PPFIA1: variants seen among roughly 807,000 people sequenced by gnomAD.
PPFIA1 encodes liprin-alpha-1.
In PPFIA1, 25 loss-of-function variants were observed where a neutral mutation model predicts 149.9. The ratio of observed to expected loss-of-function variants is 0.17; its 90% confidence interval spans 0.12 to 0.23. PPFIA1 has a LOEUF of 0.23. PPFIA1 is among the 10% of genes least tolerant of loss of function. The pLI, the probability that PPFIA1 is intolerant of heterozygous loss-of-function variation, is 1.00. For synonymous variants in PPFIA1, 549 were observed against 552.8 expected (o/e 0.99, Z 0.10); for missense variants, 1,362 against 1,506.5 (o/e 0.90, Z 1.59).
intron 23 of PPFIA1, 117 bp from the exon 24 acceptor site, chr11:70,374,801 T>C: frequency 5.4e-6 from 5 of 927,374 alleles, no homozygotes; most frequent in Non-Finnish European, 8.2e-6. Context: ...CCAGCACTTT[T>C]CTCAGGAGCC....
chr11:70,324,587 C>A, intron 3 of PPFIA1, 84 bp downstream of exon 3: 1 of 1,174,620 alleles, frequency 8.5e-7, no homozygotes, highest in Non-Finnish European at 1.2e-6. Context: ...AAGGACGACC[C>A]ACTCTGTCTG....
At chr11:70,353,140 T>C (rs904711043) in intron 16 of PPFIA1, among the ~76,000 whole-genome samples, 1 of 152,220 alleles carries the variant, frequency 6.6e-6, no homozygotes, top group African/African-American at 2.4e-5. Flanking sequence ...TTGCATTGAA[T>C]GCACTTGGTC....
chr11:70,298,336 C>T (rs1357033271), intron 2 of PPFIA1, among the ~76,000 whole-genome samples: 8 of 152,170 alleles, frequency 5.3e-5, no homozygotes, highest in Admixed American at 1.3e-4. Context: ...GGTTTTACAT[C>T]GGAAAGAATC....
In PPFIA1 at chr11:70,361,132, A is replaced by T. The variant is rs1450218700; in HGVS notation, c.2583-963A>T. The stretch of plus-strand genomic sequence containing the variant: ...TCATTCAGTATTTTCTCACTCAGGC[A>T]TTCTTTGTAGTATGCACAGAACTAG... On this transcript the variant is annotated intron_variant, in intron 19 of 27. Transcript: ENST00000253925. 3.9e-5 allele frequency among the ~76,000 whole-genome samples: 6 copies of T among 152,192 alleles called. No individual in the cohort carries two copies. In the East Asian group the frequency reaches 1.2e-3, roughly 29 times the overall value.
intron 2 of PPFIA1, chr11:70,278,796 A>C (rs2050568416): frequency 8.6e-6 from 3 of 350,748 alleles, no homozygotes; most frequent in Non-Finnish European, 1.1e-5. Flanking sequence ...GCTCAAGTAG[A>C]ATTACAGAAA....
chr11:70,331,841 T>C (rs976209163), intron 8 of PPFIA1, 119 bp from the exon 9 acceptor site: 2 of 1,156,012 alleles, frequency 1.7e-6, no homozygotes, highest in African/African-American at 1.6e-5. Flanking sequence ...CTCCCATCAC[T>C]GTAGCTCTTC....
At chr11:70,329,207 G>A (rs530361697) in intron 7 of PPFIA1, among the ~76,000 whole-genome samples, 7 of 152,240 alleles carry the variant, frequency 4.6e-5, no homozygotes, top group Non-Finnish European at 7.4e-5. Flanking sequence ...CGTAGACTGC[G>A]TCTTCTTTGA....
chr11:70,371,617 A>G lies in PPFIA1; in HGVS notation c.2866-598A>G, dbSNP rs966800017. ...TAAGGGTTGTTAGTTTAGGTTTTCTATATTCTTAATTTTTTTCTTTTTTTG... is the reference window on the plus strand; with the variant it reads ...TAAGGGTTGTTAGTTTAGGTTTTCTGTATTCTTAATTTTTTTCTTTTTTTG... On this transcript the variant is annotated intron_variant, in intron 21 of 27. Transcript: ENST00000253925. The G allele has an allele frequency of 7.9e-3, 3 of 382 alleles. No homozygotes were observed. In the East Asian group the frequency reaches 0.079, roughly 10 times the overall value. 0.0% of individuals were successfully genotyped at this position (382 alleles called of 1,614,324 possible). A position where few individuals can be genotyped will look rare whatever the true frequency, so the allele number is the denominator to read the frequency against.
intron 2 of PPFIA1, among the ~76,000 whole-genome samples, chr11:70,319,372 C>T (rs2053807840): frequency 6.6e-6 from 1 of 152,248 alleles, no homozygotes; most frequent in Non-Finnish European, 1.5e-5. Context: ...GTTCTGAAGA[C>T]AGCATCCAGG....
intron 2 of PPFIA1, among the ~76,000 whole-genome samples, chr11:70,303,594 C>G (rs543097396): frequency 6.6e-6 from 1 of 152,312 alleles, no homozygotes; most frequent in East Asian, 1.9e-4. Flanking sequence ...GGTCTGTGCC[C>G]TGGCCCCTGG....
chr11:70,352,794 G>T (rs1239297081), intron 16 of PPFIA1, among the ~76,000 whole-genome samples: 2 of 147,174 alleles, frequency 1.4e-5, no homozygotes, highest in Non-Finnish European at 3.0e-5. Flanking sequence ...CGTGTGGAGG[G>T]GTGGGAGGGC....
At chr11:70,322,449 C>T (rs535790065) in intron 2 of PPFIA1, among the ~76,000 whole-genome samples, 4 of 152,214 alleles carry the variant, frequency 2.6e-5, no homozygotes, top group Middle Eastern at 3.4e-3. Context: ...GTCTACTTGG[C>T]GGCCTCTCCC....
chr11:70,363,355 A>G (rs1232877062), intron 21 of PPFIA1: 2 of 152,150 alleles, frequency 1.3e-5, no homozygotes, highest in African/African-American at 4.8e-5. Context: ...ATCATGTAGT[A>G]TTCACTCTCT....
At chr11:70,348,897 A>G (rs2055878160) in intron 16 of PPFIA1, among the ~76,000 whole-genome samples, 2 of 152,192 alleles carry the variant, frequency 1.3e-5, no homozygotes, top group African/African-American at 4.8e-5. Flanking sequence ...AATATAAAAA[A>G]AAATTTTAAT....
intron 2 of PPFIA1, among the ~76,000 whole-genome samples, chr11:70,318,207 C>T (rs988025128): frequency 2.0e-5 from 3 of 152,242 alleles, no homozygotes; most frequent in African/African-American, 2.4e-5. Flanking sequence ...CCCGTCCTCT[C>T]TTCTAGATGC....
intron 2 of PPFIA1, among the ~76,000 whole-genome samples, chr11:70,294,174 T>C (rs2051730241): frequency 6.6e-6 from 1 of 152,086 alleles, no homozygotes; most frequent in South Asian, 2.1e-4. Context: ...ACTCTTGGCC[T>C]CAAGTGATCC....
intron 24 of PPFIA1, 166 bp downstream of exon 24, chr11:70,375,259 T>C: frequency 2.2e-6 from 1 of 462,092 alleles, no homozygotes; most frequent in Non-Finnish European, 3.5e-6. Flanking sequence ...GGCTTTCCCT[T>C]TTCTGTTGGA....
rs61291865 is a variant in PPFIA1 at position 70,280,781 on chromosome 11, T to A, written c.264+8345T>A. Among the ~76,000 whole-genome samples the A allele has an allele frequency of 7.1e-3, 1,077 of 152,294 alleles. 20 individuals carry two copies. The highest frequency in any genetic ancestry group is 0.025 in the African/African-American group (1,021 of 41,558). On this transcript the variant is annotated intron_variant, in intron 2 of 27. Coordinates refer to ENST00000253925, the MANE Select transcript of PPFIA1 (RefSeq NM_003626.5). Reference sequence around the variant, plus strand: ...CAGGGTCTTGCTATTTTGCCCAAGCTGTTCTTAAACTCCTGACCTCAAGTG... The same window carrying A: ...CAGGGTCTTGCTATTTTGCCCAAGCAGTTCTTAAACTCCTGACCTCAAGTG...
chr11:70,366,679 A>G (rs594763), intron 21 of PPFIA1, among the ~76,000 whole-genome samples: 32,221 of 152,128 alleles, frequency 0.21, 3,659 homozygotes, highest in South Asian at 0.27. Flanking sequence ...GCTTTCCCGA[A>G]TGGACTGTAT....
Sources: allele counts gnomAD v4.1 joint callset (sites outside exome capture counted in the v4.1 genomes callset), GRCh38; gene constraint gnomAD v4.1.1; transcripts MANE v1.5; gene names NCBI Gene and HGNC (gene_info 2026-07-23, HGNC 2026-07-21).